CHSY3: variants seen among roughly 807,000 people sequenced by gnomAD.
CHSY3 encodes the protein N-acetylgalactosaminyl-proteoglycan 3-beta-glucuronosyltransferase 3.
Under a neutral mutation model 67.2 loss-of-function variants are expected in CHSY3, and 35 were observed. The observed-to-expected ratio is 0.52, with a 90% confidence interval of 0.40 to 0.69. The LOEUF (loss-of-function observed/expected upper bound fraction) is 0.69, where lower values mean the gene tolerates loss of function less well. Ranked by LOEUF, CHSY3 falls within the 30% of genes least tolerant of loss-of-function variation. The probability of loss-of-function intolerance (pLI) is 0.00; values close to 1 mark genes in which losing one functional copy is unlikely to be tolerated. For synonymous variants in CHSY3, 474 were observed against 434.7 expected, an observed-to-expected ratio of 1.09 and a Z score of -1.12; for missense variants, 1,069 against 1,138.5, an observed-to-expected ratio of 0.94 and a Z score of 0.88.
chr5:130,061,319 C>A (rs76096108), intron 2 of CHSY3, among the ~76,000 whole-genome samples: 3 of 152,078 alleles, frequency 2.0e-5, no homozygotes, highest in African/African-American at 7.2e-5. Context: ...GGAAAGGACA[C>A]CTTATTCAAT....
At chr5:130,183,803 G>C (rs190616547) in intron 2 of CHSY3, among the ~76,000 whole-genome samples, 2 of 152,176 alleles carry the variant, frequency 1.3e-5, no homozygotes, top group Admixed American at 1.3e-4. Flanking sequence ...ATTTCAGTTA[G>C]ATAGGAGGAA....
At position 130,020,917 on chromosome 5, in the gene CHSY3, T is replaced by C. The variant is rs149673851; in HGVS notation, c.1086+112557T>C. ...GTATTTTCAGTTATTTACGTGTTTT[T>C]TTCTTCTCAACTCTTTGGTATATTC... On this transcript the variant is annotated intron_variant, in intron 2 of 2. Transcript: ENST00000305031. Among the ~76,000 whole-genome samples the C allele has an allele frequency of 5.8e-3, 877 of 152,242 alleles. 3 individuals carry two copies. Among genetic ancestry groups the C allele is most frequent in the Middle Eastern group, 0.01 (3 of 294 alleles).
intron 2 of CHSY3, among the ~76,000 whole-genome samples, chr5:130,020,219 A>G (rs1054185582): frequency 1.3e-5 from 2 of 151,620 alleles, no homozygotes; most frequent in African/African-American, 4.9e-5. Flanking sequence ...GGAGTTAGAG[A>G]CCAGCCTGGA....
chr5:130,114,803 G>A (rs1469260713), intron 2 of CHSY3, among the ~76,000 whole-genome samples: 1 of 152,096 alleles, frequency 6.6e-6, no homozygotes, highest in Non-Finnish European at 1.5e-5. Flanking sequence ...GACGTCATCT[G>A]GCACTCCTAG....
intron 2 of CHSY3, among the ~76,000 whole-genome samples, chr5:129,960,011 C>A (rs1298320210): frequency 6.6e-6 from 1 of 151,914 alleles, no homozygotes; most frequent in Non-Finnish European, 1.5e-5. Context: ...TCTGAATGGA[C>A]TAAGTTAGTT....
chr5:129,935,577 A>T (rs1479334331), intron 2 of CHSY3, among the ~76,000 whole-genome samples: 5 of 152,210 alleles, frequency 3.3e-5, no homozygotes, highest in African/African-American at 4.8e-5. Flanking sequence ...AAGGGGAGTT[A>T]TTCACAAATT....
At chr5:130,052,770 G>A (rs186150003) in intron 2 of CHSY3, among the ~76,000 whole-genome samples, 18 of 152,056 alleles carry the variant, frequency 1.2e-4, no homozygotes, top group African/African-American at 3.9e-4. Context: ...ATATCCACAG[G>A]CGTTAATTTA....
At position 130,184,957 on chromosome 5, in the gene CHSY3, T is replaced by C. The variant is rs139502787; in HGVS notation, c.1815T>C (p.Ser605=). 1.9e-6 allele frequency: 3 copies of C among 1,567,710 alleles called. No homozygotes were observed. In the African/African-American group the frequency reaches 4.1e-5, roughly 21 times the overall value. ...TATCTAATTCTTTAAAGATATTATC[T>C]TCTTTTCAAGGTGCCAAAGAAATGG... ...SFISNSLKIL[S]SFQGAKEMGG... Residue 605 remains serine (S), a synonymous_variant, in exon 3 of 3, where the codon TCT becomes TCC. Coordinates refer to ENST00000305031, the MANE Select transcript of CHSY3 (RefSeq NM_175856.5).
At chr5:130,058,812 G>A (rs1765618895) in intron 2 of CHSY3, among the ~76,000 whole-genome samples, 1 of 152,186 alleles carries the variant, frequency 6.6e-6, no homozygotes, top group African/African-American at 2.4e-5. Flanking sequence ...GTGTCAGCAG[G>A]GCTGTACTAC....
chr5:129,964,199 G>A (rs1032630836), intron 2 of CHSY3, among the ~76,000 whole-genome samples: 1 of 151,826 alleles, frequency 6.6e-6, no homozygotes, highest in East Asian at 1.9e-4. Context: ...GTACTTTCTG[G>A]CTGTGTGATC....
chr5:130,053,633 C>T (rs565862519), intron 2 of CHSY3, among the ~76,000 whole-genome samples: 1 of 152,208 alleles, frequency 6.6e-6, no homozygotes, highest in Admixed American at 6.5e-5. Context: ...CTTACAGTGG[C>T]TCCAGTGCTG....
chr5:130,151,686 C>A (rs1384449948), intron 2 of CHSY3, among the ~76,000 whole-genome samples: 1 of 152,118 alleles, frequency 6.6e-6, no homozygotes, highest in Non-Finnish European at 1.5e-5. Context: ...GAAGAAGTGT[C>A]AAGCAAACGG....
chr5:130,045,810 T>G (rs549139379), intron 2 of CHSY3, among the ~76,000 whole-genome samples: 40 of 152,098 alleles, frequency 2.6e-4, no homozygotes, highest in Non-Finnish European at 5.1e-4. Flanking sequence ...CATGAACACC[T>G]TGTGCTTGCT....
At chr5:129,908,023 G>T in intron 1 of CHSY3, 54 bp from the exon 2 acceptor site, 2 of 1,575,704 alleles carry the variant, frequency 1.3e-6, no homozygotes, top group Non-Finnish European at 1.7e-6. Context: ...CCTTGTACAT[G>T]ATAAGTGATT....
At chr5:130,131,972 ACT>A (rs140087565) in intron 2 of CHSY3, among the ~76,000 whole-genome samples, 6,867 of 151,688 alleles carry the variant, frequency 0.045, 425 homozygotes, top group East Asian at 0.27. Flanking sequence ...GTGATTCCCT[ACT>A]CTCAGTGCCT....
chr5:130,185,862 G>T lies in CHSY3; in HGVS notation c.*71G>T. ...ATTGTTGGTTGTTGTTATTTTTATT[G>T]TATTATTGTTATTTTATTATTATTA... On this transcript the variant is annotated 3_prime_UTR_variant, in exon 3 of 3. Coordinates refer to ENST00000305031, the MANE Select transcript of CHSY3 (RefSeq NM_175856.5). 1.2e-6 allele frequency: 1 copy of T among 829,360 alleles called. No individual in the cohort carries two copies. The allele number at this position is 829,360 out of a possible 1,614,324, so 51.4% of individuals were successfully genotyped here.
At position 130,071,269 on chromosome 5, in the gene CHSY3, C is replaced by A. The variant is rs572517478; in HGVS notation, c.1087-112960C>A. The stretch of plus-strand genomic sequence containing the variant: ...CATGTATAAGAGAGAACATTTGTCA[C>A]CTAAAATATTAATTAGTTCTTGGTT... On this transcript the variant is annotated intron_variant, in intron 2 of 2. Coordinates refer to ENST00000305031, the MANE Select transcript of CHSY3 (RefSeq NM_175856.5). 2.6e-5 allele frequency among the ~76,000 whole-genome samples: 4 copies of A among 152,040 alleles called. No homozygotes were observed. In the East Asian group the frequency reaches 7.7e-4, roughly 29 times the overall value.
chr5:130,060,594 C>T (rs939434630), intron 2 of CHSY3, among the ~76,000 whole-genome samples: 1 of 152,040 alleles, frequency 6.6e-6, no homozygotes, highest in African/African-American at 2.4e-5. Context: ...AATAAAAGGC[C>T]TCCAAATTGA....
chr5:129,962,405 C>G (rs544605887), intron 2 of CHSY3, among the ~76,000 whole-genome samples: 1 of 152,078 alleles, frequency 6.6e-6, no homozygotes, highest in African/African-American at 2.4e-5. Context: ...CTCTTAACAC[C>G]CTCATCTAGG....
Sources: allele counts gnomAD v4.1 joint callset (sites outside exome capture counted in the v4.1 genomes callset), GRCh38; gene constraint gnomAD v4.1.1; transcripts MANE v1.5; gene names NCBI Gene and HGNC (gene_info 2026-07-23, HGNC 2026-07-21).